The following AKT3 variants were observed in gnomAD, a reference collection of about 807,000 sequenced individuals.
The protein encoded by AKT3 is AKT serine/threonine kinase 3.
A neutral mutation model predicts 65.3 loss-of-function variants in AKT3; 15 were observed. The ratio of observed to expected loss-of-function variants is 0.23; its 90% CI spans 0.15 to 0.35. The LOEUF is 0.35. AKT3 is among the 10% of genes least tolerant of loss of function. AKT3 has a pLI of 1.00. For missense variants in AKT3, 243 were observed against 576.5 expected (o/e 0.42, Z 5.92); for synonymous variants, 206 against 183.8 (o/e 1.12, Z -0.98).
At chr1:243,812,124 T>C (rs1051682071) in intron 2 of AKT3, among the ~76,000 whole-genome samples, 27 of 152,204 alleles carry the variant, frequency 1.8e-4, no homozygotes, top group Non-Finnish European at 2.5e-4. Flanking sequence ...AAGGACTTCA[T>C]GTCTAAAACA....
At chr1:243,535,467 T>C (rs931299925) in intron 12 of AKT3, among the ~76,000 whole-genome samples, 11 of 152,204 alleles carry the variant, frequency 7.2e-5, no homozygotes, top group Non-Finnish European at 1.2e-4. Flanking sequence ...AGTGAGAACA[T>C]GCAGTATTTG....
intron 8 of AKT3, among the ~76,000 whole-genome samples, chr1:243,595,525 T>C (rs1235030823): frequency 6.6e-6 from 1 of 152,232 alleles, no homozygotes; most frequent in African/African-American, 2.4e-5. Flanking sequence ...CCTTGACTCT[T>C]TTATAACAGT....
At chr1:243,641,362 C>G (rs950126205) in intron 5 of AKT3, among the ~76,000 whole-genome samples, 3 of 151,002 alleles carry the variant, frequency 2.0e-5, no homozygotes, top group African/African-American at 7.3e-5. Flanking sequence ...CTAGAGAACC[C>G]TAATACACAT....
At chr1:243,634,824 A>G (rs1316615546) in intron 6 of AKT3, among the ~76,000 whole-genome samples, 2 of 151,996 alleles carry the variant, frequency 1.3e-5, no homozygotes, top group Non-Finnish European at 2.9e-5. Flanking sequence ...AGAACTGCAG[A>G]AAGCAATGAC....
chr1:243,731,880 T>TG (rs1335920937), intron 2 of AKT3, among the ~76,000 whole-genome samples: 2 of 152,166 alleles, frequency 1.3e-5, no homozygotes, highest in African/African-American at 4.8e-5. Context: ...TGAAATAAAA[T>TG]GGGAAAACAC....
chr1:243,623,967 T>C (rs1410477466), intron 6 of AKT3, among the ~76,000 whole-genome samples: 2 of 152,240 alleles, frequency 1.3e-5, no homozygotes, highest in Non-Finnish European at 2.9e-5. Context: ...TTGCTCTATG[T>C]GGTTTTCCCT....
intron 2 of AKT3, among the ~76,000 whole-genome samples, chr1:243,720,651 A>G (rs530560779): frequency 3.0e-4 from 45 of 152,246 alleles, no homozygotes; most frequent in Middle Eastern, 3.4e-3. Context: ...ATATTATCTT[A>G]AACCAGTAAT....
chr1:243,723,405 G>A (rs1428562612), intron 2 of AKT3, among the ~76,000 whole-genome samples: 4 of 152,168 alleles, frequency 2.6e-5, no homozygotes, highest in Non-Finnish European at 4.4e-5. Flanking sequence ...AGCCAATGTA[G>A]TCTGAATCAA....
At chr1:243,649,365 G>GGT (rs371927740) in intron 4 of AKT3, among the ~76,000 whole-genome samples, 1,567 of 135,992 alleles carry the variant, frequency 0.012, 34 homozygotes, top group African/African-American at 0.041. Context: ...GTGTATGTTG[G>GGT]GTGTGTGTGT....
downstream of AKT3, among the ~76,000 whole-genome samples, chr1:243,495,775 G>A (rs547673093): frequency 4.7e-4 from 71 of 152,318 alleles, no homozygotes; most frequent in Non-Finnish European, 7.3e-4. Flanking sequence ...TCCTCAGTGC[G>A]TTGGTGGCGA....
At chr1:243,710,032 C>T (rs1686047365) in intron 2 of AKT3, among the ~76,000 whole-genome samples, 1 of 152,168 alleles carries the variant, frequency 6.6e-6, no homozygotes, top group South Asian at 2.1e-4. Flanking sequence ...AAACATTTAG[C>T]AAGATGCCTT....
intron 2 of AKT3, among the ~76,000 whole-genome samples, chr1:243,839,430 A>G (rs1695097576): frequency 6.6e-6 from 1 of 152,182 alleles, no homozygotes; most frequent in Admixed American, 6.5e-5. Flanking sequence ...TGGATCCATC[A>G]AGGAGGAAAA....
At chr1:243,695,308 G>GT (rs992693586) in intron 3 of AKT3, among the ~76,000 whole-genome samples, 1 of 151,772 alleles carries the variant, frequency 6.6e-6, no homozygotes, top group African/African-American at 2.4e-5. Flanking sequence ...AAAGGTCCTT[G>GT]TTTTTATGTT....
chr1:243,657,405 A>G (rs1485029228), intron 4 of AKT3, among the ~76,000 whole-genome samples: 1 of 152,228 alleles, frequency 6.6e-6, no homozygotes, highest in Non-Finnish European at 1.5e-5. Flanking sequence ...AAAGCATAAA[A>G]AAGAATAAAG....
intron 10 of AKT3, among the ~76,000 whole-genome samples, chr1:243,554,856 G>A (rs1433304144): frequency 1.3e-5 from 2 of 151,092 alleles, no homozygotes; most frequent in East Asian, 1.9e-4. Context: ...TTCACCAGCC[G>A]GGTTCTCATC....
At chr1:243,526,179 C>T (rs186426847) in intron 12 of AKT3, among the ~76,000 whole-genome samples, 11 of 151,990 alleles carry the variant, frequency 7.2e-5, no homozygotes, top group Non-Finnish European at 1.3e-4. Context: ...AGTTGAGAAG[C>T]GAAGATGCAA....
At chr1:243,688,908 C>T (rs1423628244) in intron 3 of AKT3, among the ~76,000 whole-genome samples, 1 of 152,018 alleles carries the variant, frequency 6.6e-6, no homozygotes, top group Non-Finnish European at 1.5e-5. Context: ...CTCCTTAATA[C>T]TTGCCTTCAT....
intron 8 of AKT3, among the ~76,000 whole-genome samples, chr1:243,608,704 C>T (rs1677622365): frequency 7.1e-6 from 1 of 140,068 alleles, no homozygotes; most frequent in South Asian, 2.4e-4. Flanking sequence ...AATATAACTA[C>T]TATGTTTAAT....
intron 13 of AKT3, among the ~76,000 whole-genome samples, chr1:243,509,373 C>T (rs76688570): frequency 6.6e-6 from 1 of 152,088 alleles, no homozygotes; most frequent in African/African-American, 2.4e-5. Context: ...AAATTCTCAT[C>T]AGGACAAGTG....
Sources: gnomAD v4.1 joint callset for allele counts (sites outside exome capture counted in the v4.1 genomes callset) on GRCh38, gnomAD v4.1.1 for gene constraint, MANE v1.5 for transcripts, NCBI Gene and HGNC (gene_info 2026-07-23, HGNC 2026-07-21) for gene names.